Variants in SPMIP6 observed in about 807,000 individuals in gnomAD.
SPMIP6 encodes ciliated bronchial epithelial protein 1.
At chr9:34,385,381 A>G in the SPMIP6 span, among the ~76,000 whole-genome samples, 1 of 151,676 alleles carries the variant, frequency 6.6e-6, no homozygotes. Context: ...AAAATACAAA[A>G]ATTAGCCGGG....
the SPMIP6 span, chr9:34,379,625 G>T: frequency 6.2e-7 from 1 of 1,606,758 alleles, no homozygotes. The surrounding 1 kb of genome is among the most constrained non-coding windows in gnomAD (Gnocchi z 4.2). Context: ...GTGCAAATGA[G>T]TGTGTGCGCG....
the SPMIP6 span, among the ~76,000 whole-genome samples, chr9:34,387,453 C>T: frequency 6.6e-6 from 1 of 152,110 alleles, no homozygotes; most frequent in South Asian, 2.1e-4. Context: ...GGGTGGCGGG[C>T]AGAATATGGG....
chr9:34,386,678 C>T, the SPMIP6 span, among the ~76,000 whole-genome samples: 192 of 152,256 alleles, frequency 1.3e-3, no homozygotes, highest in East Asian at 5.8e-3. Flanking sequence ...TGCCTTTGAC[C>T]CTGACCTTCA....
the SPMIP6 span, among the ~76,000 whole-genome samples, chr9:34,392,769 G>A: frequency 1.8e-4 from 28 of 152,124 alleles, no homozygotes; most frequent in African/African-American, 6.5e-4. This position sits in a 1 kb window ranked among gnomAD's most constrained non-coding sequence, Gnocchi z 4.6. Flanking sequence ...GAACAAAGTC[G>A]AATTTGCATC....
At chr9:34,379,181 T>C in the SPMIP6 span, 2 of 1,605,412 alleles carry the variant, frequency 1.2e-6, no homozygotes, top group Non-Finnish European at 1.7e-6. This position sits in a 1 kb window ranked among gnomAD's most constrained non-coding sequence, Gnocchi z 4.2. Flanking sequence ...TTGTGTCCCA[T>C]CTACAGGAAG....
the SPMIP6 span, among the ~76,000 whole-genome samples, chr9:34,388,192 G>T: frequency 6.7e-6 from 1 of 150,300 alleles, no homozygotes; most frequent in African/African-American, 2.5e-5. Context: ...CCAGGCTGGA[G>T]TGCAATGGCA....
At chr9:34,397,567 T>C in the SPMIP6 span, 2 of 1,613,464 alleles carry the variant, frequency 1.2e-6, no homozygotes, top group Non-Finnish European at 1.7e-6. Context: ...TTGATGGAGG[T>C]GGGAGCCCTG....
the SPMIP6 span, chr9:34,385,522 C>G: frequency 2.2e-6 from 2 of 911,568 alleles, no homozygotes; most frequent in Admixed American, 7.5e-5. Context: ...GCAACAAGAG[C>G]GAAACTCCGT....
chr9:34,388,450 C>G, the SPMIP6 span, among the ~76,000 whole-genome samples: 3 of 152,116 alleles, frequency 2.0e-5, no homozygotes, highest in Admixed American at 1.3e-4. Flanking sequence ...CCTCACCTGG[C>G]CTAACTGCTT....
At chr9:34,395,347 G>A in the SPMIP6 span, among the ~76,000 whole-genome samples, 1 of 152,138 alleles carries the variant, frequency 6.6e-6, no homozygotes, top group Non-Finnish European at 1.5e-5. Flanking sequence ...GTTACCAAGA[G>A]TTACTACATC....
At chr9:34,384,189 C>G in the SPMIP6 span, among the ~76,000 whole-genome samples, 1 of 152,158 alleles carries the variant, frequency 6.6e-6, no homozygotes, top group Non-Finnish European at 1.5e-5. Flanking sequence ...ACATCCAGAT[C>G]AAGATGACTA....
At chr9:34,384,703 A>G in the SPMIP6 span, among the ~76,000 whole-genome samples, 1 of 152,206 alleles carries the variant, frequency 6.6e-6, no homozygotes, top group Non-Finnish European at 1.5e-5. Flanking sequence ...ATGGAGGGGC[A>G]CAGCTGTGAA....
the SPMIP6 span, chr9:34,380,611 G>C: frequency 6.1e-6 from 9 of 1,463,876 alleles, no homozygotes; most frequent in Non-Finnish European, 8.1e-6. Flanking sequence ...ACCCTCTGAC[G>C]GGACCTCCAG....
At chr9:34,380,816 GC>G in the SPMIP6 span, 7 of 1,522,746 alleles carry the variant, frequency 4.6e-6, no homozygotes, top group South Asian at 8.6e-5. Flanking sequence ...ACGGAAGCTG[GC>G]CGGGCTGGAA....
the SPMIP6 span, chr9:34,382,607 C>G: frequency 1.6e-5 from 10 of 622,890 alleles, no homozygotes; most frequent in Non-Finnish European, 2.9e-5. Context: ...AATACAAACT[C>G]TAGTTTCACA....
At chr9:34,380,844 G>A in the SPMIP6 span, 1 of 1,520,288 alleles carries the variant, frequency 6.6e-7, no homozygotes, top group East Asian at 2.4e-5. Flanking sequence ...GGGGTTCTGG[G>A]GCGGGGCTTG....
At chr9:34,394,927 GACC>G in the SPMIP6 span, among the ~76,000 whole-genome samples, 9 of 151,244 alleles carry the variant, frequency 6.0e-5, no homozygotes, top group Non-Finnish European at 1.2e-4. Context: ...AGAGTTTCTA[GACC>G]ACCATACTGC....
the SPMIP6 span, chr9:34,379,635 G>T: frequency 6.2e-7 from 1 of 1,612,464 alleles, no homozygotes; most frequent in South Asian, 1.1e-5. This position sits in a 1 kb window ranked among gnomAD's most constrained non-coding sequence, Gnocchi z 4.2. Context: ...GTGTGTGCGC[G>T]TTAGACTTAC....
chr9:34,385,696 C>T, the SPMIP6 span: 1 of 1,613,874 alleles, frequency 6.2e-7, no homozygotes, highest in Non-Finnish European at 8.5e-7. Context: ...TATGGACCCC[C>T]TATAAGTGTA....
Sources: gnomAD v4.1 joint callset for allele counts (sites outside exome capture counted in the v4.1 genomes callset) on GRCh38, gnomAD v4.1.1 for gene constraint, Gnocchi (gnomAD v3.1) non-coding constraint, MANE v1.5 for transcripts, NCBI Gene and HGNC (gene_info 2026-07-23, HGNC 2026-07-21) for gene names.